Variants in DRC11 observed in about 807,000 individuals in gnomAD.
The protein encoded by DRC11 is IQ and AAA domain-containing protein 1.
At chr2:236,484,224 TAC>T in the DRC11 span, among the ~76,000 whole-genome samples, 1 of 152,220 alleles carries the variant, frequency 6.6e-6, no homozygotes, top group Non-Finnish European at 1.5e-5. Flanking sequence ...ATTTGTTAAG[TAC>T]ACAGAATTGG....
chr2:236,491,046 GTA>G, the DRC11 span, among the ~76,000 whole-genome samples: 26 of 128,210 alleles, frequency 2.0e-4, no homozygotes, highest in African/African-American at 3.2e-4. Flanking sequence ...TATATATACA[GTA>G]TATATATATA....
chr2:236,334,606 A>T, the DRC11 span, among the ~76,000 whole-genome samples: 1 of 152,010 alleles, frequency 6.6e-6, no homozygotes, highest in African/African-American at 2.4e-5. This position sits in a 1 kb window ranked among gnomAD's most constrained non-coding sequence, Gnocchi z 7.8. Flanking sequence ...GATGAAAGAG[A>T]ATTTGGCCTT....
At chr2:236,367,218 G>A in the DRC11 span, among the ~76,000 whole-genome samples, 1 of 148,768 alleles carries the variant, frequency 6.7e-6, no homozygotes, top group Non-Finnish European at 1.5e-5. This position sits in a 1 kb window ranked among gnomAD's most constrained non-coding sequence, Gnocchi z 4.8. Flanking sequence ...TTATTCTGTT[G>A]ACCACAAATT....
the DRC11 span, among the ~76,000 whole-genome samples, chr2:236,466,611 GT>G: frequency 6.6e-6 from 1 of 152,118 alleles, no homozygotes; most frequent in African/African-American, 2.4e-5. Flanking sequence ...AGTGTCTCAC[GT>G]GGTGAAAGGG....
the DRC11 span, chr2:236,392,183 AAAG>A: frequency 1.2e-5 from 18 of 1,482,650 alleles, no homozygotes; most frequent in East Asian, 4.1e-4. This position sits in a 1 kb window ranked among gnomAD's most constrained non-coding sequence, Gnocchi z 5.1. Flanking sequence ...AGGAAATTGT[AAAG>A]AAGCACAATG....
chr2:236,471,115 C>T, the DRC11 span, among the ~76,000 whole-genome samples: 2,301 of 152,262 alleles, frequency 0.015, 70 homozygotes, highest in African/African-American at 0.052. This position sits in a 1 kb window ranked among gnomAD's most constrained non-coding sequence, Gnocchi z 4.6. Context: ...GGTAGCATTA[C>T]TATCTTCATC....
chr2:236,370,953 G>A, the DRC11 span, among the ~76,000 whole-genome samples: 1 of 152,166 alleles, frequency 6.6e-6, no homozygotes, highest in Admixed American at 6.5e-5. This position sits in a 1 kb window ranked among gnomAD's most constrained non-coding sequence, Gnocchi z 5.5. Flanking sequence ...TGACTGTTGA[G>A]ATTCTAATGA....
chr2:236,392,276 GTTTCTC>G, the DRC11 span: 1 of 1,595,360 alleles, frequency 6.3e-7, no homozygotes, highest in South Asian at 1.1e-5. This position sits in a 1 kb window ranked among gnomAD's most constrained non-coding sequence, Gnocchi z 5.1. Flanking sequence ...AATTCTTTTC[GTTTCTC>G]CTCTTTGATC....
At chr2:236,493,711 C>G in the DRC11 span, 1 of 1,392,262 alleles carries the variant, frequency 7.2e-7, no homozygotes, top group Non-Finnish European at 9.7e-7. Context: ...TTAGGAGCAG[C>G]AGAAAAAGGA....
the DRC11 span, among the ~76,000 whole-genome samples, chr2:236,443,779 T>A: frequency 3.3e-5 from 5 of 152,316 alleles, no homozygotes; most frequent in African/African-American, 1.2e-4. The surrounding 1 kb of genome is among the most constrained non-coding windows in gnomAD (Gnocchi z 4.4). Context: ...TGCCTCTAGA[T>A]CTTTGAGGAA....
chr2:236,471,129 T>C, the DRC11 span, among the ~76,000 whole-genome samples: 1 of 152,194 alleles, frequency 6.6e-6, no homozygotes, highest in African/African-American at 2.4e-5. The surrounding 1 kb of genome is among the most constrained non-coding windows in gnomAD (Gnocchi z 4.6). Context: ...CTTCATCTTA[T>C]ATATGAGAAA....
chr2:236,341,219 C>G, the DRC11 span, among the ~76,000 whole-genome samples: 2 of 152,234 alleles, frequency 1.3e-5, no homozygotes, highest in African/African-American at 4.8e-5. Flanking sequence ...GTCAGGGAGG[C>G]GCTTGCTAGA....
At chr2:236,357,068 A>C in the DRC11 span, among the ~76,000 whole-genome samples, 2 of 56,396 alleles carry the variant, frequency 3.5e-5, 1 homozygote, top group Non-Finnish European at 6.7e-5. Flanking sequence ...TTATATATTC[A>C]TATATTATAT....
At chr2:236,366,732 A>G in the DRC11 span, among the ~76,000 whole-genome samples, 1 of 143,378 alleles carries the variant, frequency 7.0e-6, no homozygotes, top group Admixed American at 6.8e-5. Context: ...TTCCCTTCCA[A>G]ACTTGTTGGC....
At chr2:236,407,198 G>C in the DRC11 span, among the ~76,000 whole-genome samples, 1 of 152,254 alleles carries the variant, frequency 6.6e-6, no homozygotes, top group Non-Finnish European at 1.5e-5. Flanking sequence ...AGATAGGAGA[G>C]AATCTACAGT....
chr2:236,323,800 G>T, the DRC11 span, among the ~76,000 whole-genome samples: 1 of 152,204 alleles, frequency 6.6e-6, no homozygotes, highest in Non-Finnish European at 1.5e-5. This position sits in a 1 kb window ranked among gnomAD's most constrained non-coding sequence, Gnocchi z 6.4. Flanking sequence ...ATTTAGAAGT[G>T]GGTTACTTGC....
chr2:236,357,200 ATT>A, the DRC11 span, among the ~76,000 whole-genome samples: 3 of 109,670 alleles, frequency 2.7e-5, no homozygotes, highest in East Asian at 4.9e-4. Context: ...TATATTATAA[ATT>A]ATATTCATAT....
At chr2:236,429,451 G>T in the DRC11 span, among the ~76,000 whole-genome samples, 1 of 152,188 alleles carries the variant, frequency 6.6e-6, no homozygotes, top group African/African-American at 2.4e-5. This position sits in a 1 kb window ranked among gnomAD's most constrained non-coding sequence, Gnocchi z 5.9. Flanking sequence ...TGTGGGGATA[G>T]TTGCTGGAGG....
chr2:236,498,701 C>A, the DRC11 span, among the ~76,000 whole-genome samples: 1 of 152,106 alleles, frequency 6.6e-6, no homozygotes, highest in South Asian at 2.1e-4. Flanking sequence ...CTGTGGCTGG[C>A]CCCAGAATAC....
Sources: allele counts gnomAD v4.1 joint callset (sites outside exome capture counted in the v4.1 genomes callset), GRCh38; gene constraint gnomAD v4.1.1; non-coding constraint Gnocchi (gnomAD v3.1); transcripts MANE v1.5; gene names NCBI Gene and HGNC (gene_info 2026-07-23, HGNC 2026-07-21).